RAB40B: variants seen among roughly 807,000 people sequenced by gnomAD.
RAB40B encodes the protein RAB40B, member RAS oncogene family.
RAB40B carries 21 observed loss-of-function variants against 24.0 expected under a neutral mutation model. That is an observed-to-expected ratio of 0.88 (90% CI 0.62 to 1.26). The LOEUF is 1.26. Ranked by LOEUF, RAB40B falls within the 50% of genes most tolerant of loss-of-function variation. The pLI is 0.00. For synonymous variants in RAB40B, 167 were observed against 169.8 expected (o/e 0.98, Z 0.13); for missense variants, 348 against 390.5 (o/e 0.89, Z 0.92).
rs559306437 is a variant in RAB40B, at chr17:82,680,205, A to C, written c.143-15649T>G. Among the ~76,000 whole-genome samples the C allele has an allele frequency of 2.0e-3, 310 of 152,290 alleles. 1 individual carries two copies. The highest frequency in any genetic ancestry group is 7.2e-3 in the African/African-American group (299 of 41,568). Reference sequence around the variant, plus strand: ...GGGTGACCTCTGTCACGGAGGTCTCATGCAGCCTTGGACCCCACACTGGGG... The same window carrying C: ...GGGTGACCTCTGTCACGGAGGTCTCCTGCAGCCTTGGACCCCACACTGGGG... On this transcript the variant is annotated intron_variant, in intron 1 of 5. Coordinates refer to ENST00000571995, the MANE Select transcript of RAB40B (RefSeq NM_006822.3).
At position 82,676,972 on chromosome 17, in the gene RAB40B, G is replaced by C. The variant is rs144674283; in HGVS notation, c.143-12416C>G. ...TTTATTTATTTATTTTTTCTGAGAC[G>C]GAGTCTCACTCTGTCGTCCAGGCTG... On this transcript the variant is annotated intron_variant, in intron 1 of 5. Coordinates refer to ENST00000571995, the MANE Select transcript of RAB40B (RefSeq NM_006822.3). 2.8e-5 allele frequency among the ~76,000 whole-genome samples: 4 copies of C among 144,588 alleles called. No individual in the cohort carries two copies. In the East Asian group the frequency reaches 8.4e-4, roughly 31 times the overall value. 94.9% of individuals were successfully genotyped at this position (144,588 alleles called of 152,430 possible).
intron 1 of RAB40B, among the ~76,000 whole-genome samples, chr17:82,668,721 C>T (rs2046291889): frequency 6.6e-6 from 1 of 152,208 alleles, no homozygotes. Flanking sequence ...CTGCAGGGGG[C>T]AGGGGTGGCC....
At chr17:82,673,551 C>T (rs1390106769) in intron 1 of RAB40B, among the ~76,000 whole-genome samples, 2 of 152,210 alleles carry the variant, frequency 1.3e-5, no homozygotes, top group African/African-American at 4.8e-5. Context: ...CTTTAGGCTG[C>T]CCTCACTCTT....
At chr17:82,665,501 G>A (rs1001926346) in intron 1 of RAB40B, among the ~76,000 whole-genome samples, 1 of 151,962 alleles carries the variant, frequency 6.6e-6, no homozygotes, top group African/African-American at 2.4e-5. Context: ...CAATCTGCCC[G>A]GCTCAGCCTC....
chr17:82,697,367 G>A lies in RAB40B; in HGVS notation c.142+1088C>T, dbSNP rs1048348256. On this transcript the variant is annotated intron_variant, in intron 1 of 5. Transcript: ENST00000571995. The surrounding 1 kb of genome is among the most constrained non-coding windows in gnomAD (Gnocchi z 4.9). ...GCTTCCTCCCACCCTCTCCCGCTAA[G>A]TTCGTCTCTGGCAGGACCCTGGACC... Among the ~76,000 whole-genome samples, 5 of 152,152 alleles carry A rather than the reference G, an allele frequency of 3.3e-5. No homozygotes were observed. The highest frequency in any genetic ancestry group is 1.2e-4 in the African/African-American group (5 of 41,438).
intron 1 of RAB40B, among the ~76,000 whole-genome samples, chr17:82,666,830 T>C (rs1250030233): frequency 6.6e-6 from 1 of 152,200 alleles, no homozygotes; most frequent in Admixed American, 6.5e-5. Context: ...ATTTGCTTGA[T>C]TTATTTCATG....
Position 82,657,810 on chromosome 17 carries a change from T to G in RAB40B, c.*53A>C, listed in dbSNP as rs1307776711. 1.3e-6 allele frequency: 2 copies of G among 1,595,628 alleles called. No homozygotes were observed. The highest frequency in any genetic ancestry group is 4.5e-5 in the East Asian group (2 of 44,552). On this transcript the variant is annotated 3_prime_UTR_variant, in exon 6 of 6. Transcript: ENST00000571995. ...AGATGCATCCACCAGCTGCCGGGGGTAACGCCGAGCTTCTCCTGGAGAGAT... is the reference window on the plus strand; with the variant it reads ...AGATGCATCCACCAGCTGCCGGGGGGAACGCCGAGCTTCTCCTGGAGAGAT...
At chr17:82,685,274 A>C in intron 1 of RAB40B, among the ~76,000 whole-genome samples, 2 of 141,914 alleles carry the variant, frequency 1.4e-5, no homozygotes, top group South Asian at 2.4e-4. Flanking sequence ...CCAGAAGGGA[A>C]AAGGAGGGTG....
chr17:82,698,014 T>A (rs924630279), intron 1 of RAB40B, among the ~76,000 whole-genome samples: 1 of 150,878 alleles, frequency 6.6e-6, no homozygotes, highest in Admixed American at 6.6e-5. Context: ...GGAGCTCGCG[T>A]CCCCTCCCGC....
At chr17:82,669,663 T>A (rs2046307576) in intron 1 of RAB40B, among the ~76,000 whole-genome samples, 1 of 151,564 alleles carries the variant, frequency 6.6e-6, no homozygotes, top group African/African-American at 2.4e-5. Flanking sequence ...TAAAAAAAAA[T>A]GTAAAAGGAG....
At chr17:82,696,167 C>G (rs2046608084) in intron 1 of RAB40B, among the ~76,000 whole-genome samples, 1 of 152,146 alleles carries the variant, frequency 6.6e-6, no homozygotes, top group East Asian at 1.9e-4. Context: ...CGCCCCCGGC[C>G]CGGTGGGAGG....
At chr17:82,676,443 C>G (rs113925433) in intron 1 of RAB40B, among the ~76,000 whole-genome samples, 38 of 150,278 alleles carry the variant, frequency 2.5e-4, no homozygotes, top group East Asian at 6.0e-4. Context: ...CCTCTCCCCC[C>G]CCACACAGGG....
chr17:82,674,507 C>T (rs919340260), intron 1 of RAB40B, among the ~76,000 whole-genome samples: 17 of 148,726 alleles, frequency 1.1e-4, no homozygotes, highest in African/African-American at 1.7e-4. Flanking sequence ...GGTGTGGTGG[C>T]GGGCACCTGT....
chr17:82,659,316 T>C (rs1335972313), intron 4 of RAB40B: 7 of 486,896 alleles, frequency 1.4e-5, no homozygotes, highest in African/African-American at 1.2e-4. Flanking sequence ...AGGCCAAACC[T>C]GACCCCACGC....
intron 1 of RAB40B, among the ~76,000 whole-genome samples, chr17:82,693,059 G>A (rs1332859363): frequency 1.3e-5 from 2 of 151,762 alleles, no homozygotes; most frequent in African/African-American, 4.8e-5. Context: ...CTGGTGTGCA[G>A]TGGTGCGATC....
Position 82,658,522 on chromosome 17 carries a change from A to G in RAB40B, c.534T>C (p.His178=). 1 of 1,612,998 alleles carries G rather than the reference A, an allele frequency of 6.2e-7. No homozygotes were observed. Among genetic ancestry groups the G allele is most frequent in the Non-Finnish European group, 8.5e-7 (1 of 1,179,932 alleles). The change falls in exon 5 of 6, where the codon CAT becomes CAC. Residue 178 remains histidine (H), a synonymous_variant. Coordinates refer to ENST00000571995, the MANE Select transcript of RAB40B (RefSeq NM_006822.3). The part of the protein sequence containing the change: ...TELARIVLLR[H]GMDRLWRPSK... Reference sequence around the variant, plus strand: ...TCGGCCGCCAGAGCCGGTCCATCCCATGCCGCAGCAGCACGATCCTGGCCA... The same window carrying G: ...TCGGCCGCCAGAGCCGGTCCATCCCGTGCCGCAGCAGCACGATCCTGGCCA...
At position 82,698,600 on chromosome 17, in the gene RAB40B, G is replaced by T; in HGVS notation, c.-4C>A. ...CCGGGCTGCCCAGGGCGCTCATCGT[G>T]ACGGCCCGGCGCCCCCACCCATGCC... is the stretch of plus-strand genomic sequence containing the variant. On this transcript the variant is annotated 5_prime_UTR_variant, in exon 1 of 6. An upstream open reading frame in the 5' UTR gains an earlier in-frame stop. Transcript: ENST00000571995. 1 of 1,450,418 alleles carries T rather than the reference G, an allele frequency of 6.9e-7. No homozygotes were observed. Among genetic ancestry groups the T allele is most frequent in the East Asian group, 3.1e-5 (1 of 32,424 alleles). The allele number at this position is 1,450,418 out of a possible 1,614,324, so 89.8% of individuals were successfully genotyped here. A position where few individuals can be genotyped will look rare whatever the true frequency, so the allele number is the denominator to read the frequency against.
At chr17:82,669,980 CGAATACACTTGGGAAT>C (rs746004859) in intron 1 of RAB40B, among the ~76,000 whole-genome samples, 44 of 152,228 alleles carry the variant, frequency 2.9e-4, no homozygotes, top group Admixed American at 6.5e-4. Context: ...AGGCAATGAA[CGAATACACTTGGGAAT>C]CTATTTTCGA....
Position 82,663,871 on chromosome 17 carries a change from C to A in RAB40B, c.203+625G>T, listed in dbSNP as rs1194558193. 6.6e-6 allele frequency among the ~76,000 whole-genome samples: 1 copy of A among 152,206 alleles called. No individual in the cohort carries two copies. The highest frequency in any genetic ancestry group is 2.4e-5 in the African/African-American group (1 of 41,454). On this transcript the variant is annotated intron_variant, in intron 2 of 5. Transcript: ENST00000571995. This position sits in a 1 kb window ranked among gnomAD's most constrained non-coding sequence, Gnocchi z 6.2. ...TCCCAGCCACAGCGCTATGTCCGTT[C>A]TGGGGTCCCCTACTCTGGATGACGG... is the stretch of plus-strand genomic sequence containing the variant.
Sources: allele counts gnomAD v4.1 joint callset (sites outside exome capture counted in the v4.1 genomes callset), GRCh38; gene constraint gnomAD v4.1.1; non-coding constraint Gnocchi (gnomAD v3.1); transcripts MANE v1.5; gene names NCBI Gene and HGNC (gene_info 2026-07-23, HGNC 2026-07-21).